Variants in LUC7L2 observed in about 807,000 individuals in gnomAD.
LUC7L2 encodes the protein LUC7 like 2, pre-mRNA splicing factor.
LUC7L2 carries 25 observed loss-of-function variants against 52.8 expected under a neutral mutation model. The ratio of observed to expected loss-of-function variants is 0.47; its 90% confidence interval spans 0.34 to 0.66. The LOEUF (loss-of-function observed/expected upper bound fraction) is 0.66, where lower values mean the gene tolerates loss of function less well. Among genes scored for constraint, LUC7L2 ranks in the 30% least tolerant of loss-of-function variants. The probability of loss-of-function intolerance (pLI) is 0.01; values close to 1 mark genes in which losing one functional copy is unlikely to be tolerated. For missense variants in LUC7L2, 328 were observed against 497.8 expected, an observed-to-expected ratio of 0.66 and a Z score of 3.25; for synonymous variants, 144 against 160.9, an observed-to-expected ratio of 0.89 and a Z score of 0.80.
chr7:139,365,221 C>T (rs1345111955), intron 1 of LUC7L2, among the ~76,000 whole-genome samples: 1 of 152,130 alleles, frequency 6.6e-6, no homozygotes, highest in East Asian at 1.9e-4. Flanking sequence ...GCCCAGAAAA[C>T]AATAAAAGTA....
intron 2 of LUC7L2, among the ~76,000 whole-genome samples, chr7:139,383,899 AATTATT>A (rs559078924): frequency 2.0e-5 from 3 of 150,214 alleles, no homozygotes; most frequent in Admixed American, 2.0e-4. Flanking sequence ...ATGCCTGGCT[AATTATT>A]ATTATTATTA....
chr7:139,398,663 C>T lies in LUC7L2; in HGVS notation c.221C>T (p.Ala74Val). ...GCTTTAAGAGCGGATTATGAAATTG[C>T]ATCCAAAGAACAAGATTTTTTCTTT... ...DLALRADYEI[A>V]SKEQDFFFEL... is the part of the protein sequence containing the mutation. Residue 74 changes from alanine to valine, a missense_variant, in exon 3 of 10, where the codon GCA becomes GTA. Physicochemically the swap from Ala to Val is moderately conservative, Grantham distance 64 (BLOSUM62 0). Around this residue, in one of 2 missense-constraint regions of LUC7L2, gnomAD observed 133 missense variants for 274.4 expected, o/e 0.48. Transcript: ENST00000354926. 2 of 1,612,008 alleles carry T rather than the reference C, an allele frequency of 1.2e-6. No homozygotes were observed. Among genetic ancestry groups the T allele is most frequent in the Non-Finnish European group, 1.7e-6 (2 of 1,179,282 alleles).
At chr7:139,375,259 T>C in intron 1 of LUC7L2, 1 of 984,860 alleles carries the variant, frequency 1.0e-6, no homozygotes, top group Non-Finnish European at 1.2e-6. Context: ...GATAAGCAGG[T>C]TGGATGCTTC....
intron 1 of LUC7L2, chr7:139,344,747 G>A (rs181342594): frequency 8.0e-6 from 1 of 125,672 alleles, no homozygotes; most frequent in East Asian, 2.4e-4. Flanking sequence ...CTGTTACCCA[G>A]ACTGGAGTGC....
At chr7:139,376,339 A>AT (rs150512717) in intron 2 of LUC7L2, among the ~76,000 whole-genome samples, 183 bp downstream of exon 2, 3,567 of 152,290 alleles carry the variant, frequency 0.023, 149 homozygotes, top group African/African-American at 0.08. Context: ...AAAGTGGTTG[A>AT]TACGTTTTGT....
At chr7:139,408,591 C>T (rs1276504627) in intron 6 of LUC7L2, among the ~76,000 whole-genome samples, 1 of 152,174 alleles carries the variant, frequency 6.6e-6, no homozygotes, top group African/African-American at 2.4e-5. Flanking sequence ...CGCCTGTAAT[C>T]CTAGCACTTT....
At chr7:139,342,460 G>A (rs903604157) in intron 1 of LUC7L2, among the ~76,000 whole-genome samples, 2 of 152,096 alleles carry the variant, frequency 1.3e-5, no homozygotes, top group Non-Finnish European at 2.9e-5. Context: ...AGGTGTGGTG[G>A]GTGAAGTGGA....
rs528066097 is a variant in LUC7L2, at chr7:139,364,952, G to A, written c.61+4630G>A. Among the ~76,000 whole-genome samples, 10 of 152,266 alleles carry A rather than the reference G, an allele frequency of 6.6e-5. No individual in the cohort carries two copies. The South Asian group carries it at 1.2e-3, about 19-fold the overall frequency. On this transcript the variant is annotated intron_variant, in intron 1 of 9. Coordinates refer to ENST00000354926, the MANE Select transcript of LUC7L2 (RefSeq NM_016019.5). ...ATTGTTCATTTTAAGTGAAGGAGGC[G>A]GAGCCTTTAATGTATACGCAGACAT...
chr7:139,369,947 G>A (rs1472385173), intron 1 of LUC7L2, among the ~76,000 whole-genome samples: 1 of 152,122 alleles, frequency 6.6e-6, no homozygotes, highest in Non-Finnish European at 1.5e-5. Flanking sequence ...AAGCTGCTTT[G>A]TTTTATTAGG....
rs1222457126 is a variant in LUC7L2, at chr7:139,417,563, C to T, written c.835C>T (p.His279Tyr). 1.2e-6 allele frequency: 2 copies of T among 1,614,148 alleles called. No individual in the cohort carries two copies. Among genetic ancestry groups the T allele is most frequent in the Non-Finnish European group, 1.7e-6 (2 of 1,180,004 alleles). The change falls in exon 9 of 10, where the codon CAT (histidine) becomes TAT (tyrosine). Residue 279 changes from histidine (H) to tyrosine (Y), a missense_variant. Coordinates refer to ENST00000354926, the MANE Select transcript of LUC7L2 (RefSeq NM_016019.5). ...ATCCAGGTCCAGAGAGCATCGCAGA[C>T]ATCGATCTCGCTCCATGTCACGTGA... ...KRSRSREHRRHRSRSMSRERK... is the reference protein window; with the variant it reads ...KRSRSREHRRYRSRSMSRERK...
intron 1 of LUC7L2, among the ~76,000 whole-genome samples, chr7:139,348,717 CA>C (rs747700418): frequency 2.2e-4 from 31 of 140,384 alleles, no homozygotes; most frequent in South Asian, 2.3e-4. Flanking sequence ...GACTCCGTCT[CA>C]AAAAAAAAAA....
intron 2 of LUC7L2, among the ~76,000 whole-genome samples, chr7:139,390,378 A>G (rs1235573121): frequency 2.0e-5 from 3 of 151,118 alleles, no homozygotes; most frequent in African/African-American, 7.3e-5. Context: ...TTCCTGCCTC[A>G]GCCTCTTGAG....
At chr7:139,397,374 A>G (rs1237479527) in intron 2 of LUC7L2, among the ~76,000 whole-genome samples, 1 of 152,174 alleles carries the variant, frequency 6.6e-6, no homozygotes, top group Non-Finnish European at 1.5e-5. Context: ...TTATTACATC[A>G]TCTGACTTTG....
chr7:139,366,217 G>A (rs1439770478), intron 1 of LUC7L2, among the ~76,000 whole-genome samples: 1 of 152,198 alleles, frequency 6.6e-6, no homozygotes, highest in Non-Finnish European at 1.5e-5. Context: ...TTCCAGTATA[G>A]TTGTGAACCA....
intron 2 of LUC7L2, among the ~76,000 whole-genome samples, chr7:139,386,852 T>A (rs1274121901): frequency 6.6e-6 from 1 of 152,144 alleles, no homozygotes; most frequent in African/African-American, 2.4e-5. Flanking sequence ...TTAGAGCTTT[T>A]TTTTGAGACA....
At chr7:139,354,064 C>T (rs187644635) in intron 1 of LUC7L2, among the ~76,000 whole-genome samples, 22 of 151,220 alleles carry the variant, frequency 1.5e-4, no homozygotes, top group African/African-American at 3.7e-4. Flanking sequence ...TGCAGTGAGC[C>T]GAGATCACGC....
At chr7:139,394,824 G>A (rs1794591371) in intron 2 of LUC7L2, among the ~76,000 whole-genome samples, 2 of 152,276 alleles carry the variant, frequency 1.3e-5, no homozygotes, top group East Asian at 3.9e-4. Context: ...CTAGGAATCA[G>A]TCTAACCAGA....
At chr7:139,381,669 C>G (rs185719008) in intron 2 of LUC7L2, among the ~76,000 whole-genome samples, 2 of 151,710 alleles carry the variant, frequency 1.3e-5, no homozygotes, top group African/African-American at 4.8e-5. Flanking sequence ...CTCCCACTCC[C>G]GGGTTCAAGT....
chr7:139,341,557 G>C, intron 1 of LUC7L2: 1 of 1,599,056 alleles, frequency 6.3e-7, no homozygotes, highest in Non-Finnish European at 8.6e-7. Flanking sequence ...TCTACGTGCT[G>C]GGGAGGGAGG....
Sources: allele counts gnomAD v4.1 joint callset (sites outside exome capture counted in the v4.1 genomes callset), GRCh38; gene constraint gnomAD v4.1.1; regional missense constraint gnomAD v4.1.1; transcripts MANE v1.5; gene names NCBI Gene and HGNC (gene_info 2026-07-23, HGNC 2026-07-21).